The following NR5A2 variants were observed in gnomAD, a reference collection of about 807,000 sequenced individuals.
The protein encoded by NR5A2 is CYP7A promoter-binding factor.
Under a neutral mutation model 62.7 loss-of-function variants are expected in NR5A2, and 26 were observed. The ratio of observed to expected loss-of-function variants is 0.41; its 90% CI spans 0.30 to 0.58. The LOEUF (loss-of-function observed/expected upper bound fraction) is 0.58, where lower values mean the gene tolerates loss of function less well. NR5A2 is among the 20% of genes least tolerant of loss of function. NR5A2 has a pLI of 0.22. For synonymous variants in NR5A2, 246 were observed against 241.7 expected, an observed-to-expected ratio of 1.02 and a Z score of -0.16; for missense variants, 541 against 669.1, an observed-to-expected ratio of 0.81 and a Z score of 2.11.
chr1:200,084,638 C>T (rs1664443814), intron 5 of NR5A2, among the ~76,000 whole-genome samples: 2 of 152,108 alleles, frequency 1.3e-5, no homozygotes, highest in Admixed American at 1.3e-4. Flanking sequence ...AAAGCTCTTA[C>T]CCATGTAAAT....
chr1:200,114,688 G>A (rs567035772), intron 6 of NR5A2, among the ~76,000 whole-genome samples: 3 of 152,280 alleles, frequency 2.0e-5, no homozygotes, highest in East Asian at 1.9e-4. Flanking sequence ...CTAGGCCAGC[G>A]CAAGGGTGAC....
intron 7 of NR5A2, among the ~76,000 whole-genome samples, chr1:200,154,152 G>C (rs1424698834): frequency 6.6e-6 from 1 of 152,154 alleles, no homozygotes; most frequent in African/African-American, 2.4e-5. Context: ...GGGGTTCCCT[G>C]TCTGCTCTTG....
intron 5 of NR5A2, among the ~76,000 whole-genome samples, chr1:200,090,118 C>G (rs906297820): frequency 1.3e-5 from 2 of 152,166 alleles, no homozygotes; most frequent in Admixed American, 1.3e-4. Context: ...TATATGTCTA[C>G]CCCCTCAACT....
chr1:200,053,085 A>G (rs1662733089), intron 5 of NR5A2, among the ~76,000 whole-genome samples: 2 of 152,172 alleles, frequency 1.3e-5, no homozygotes, highest in African/African-American at 2.4e-5. Flanking sequence ...ACAAGGTGCA[A>G]AAAAAGGTAT....
chr1:200,062,903 TG>T (rs1414165292), intron 5 of NR5A2, among the ~76,000 whole-genome samples: 1 of 152,204 alleles, frequency 6.6e-6, no homozygotes, highest in Non-Finnish European at 1.5e-5. Flanking sequence ...TGGATCTGTT[TG>T]GCATGTAAAT....
At position 200,175,465 on chromosome 1, in the gene NR5A2, A is replaced by T. The variant is rs1237817787; in HGVS notation, c.*1255A>T. The stretch of plus-strand genomic sequence containing the variant: ...TAGAACAAATATGGGAGGACAAAGA[A>T]TCGCAAATTCTTCAAATGACTATTA... On this transcript the variant is annotated 3_prime_UTR_variant, in exon 8 of 8. Coordinates refer to ENST00000367362, the MANE Select transcript of NR5A2 (RefSeq NM_205860.3). The T allele has an allele frequency of 6.5e-6, 1 of 152,714 alleles. No individual in the cohort carries two copies. The highest frequency in any genetic ancestry group is 2.4e-5 in the African/African-American group (1 of 41,472). The allele number at this position is 152,714 out of a possible 1,614,324, so 9.5% of individuals were successfully genotyped here.
chr1:200,092,327 T>A (rs1181980132), intron 5 of NR5A2, among the ~76,000 whole-genome samples: 2 of 152,188 alleles, frequency 1.3e-5, no homozygotes, highest in East Asian at 1.9e-4. Context: ...GTTTTTGTAG[T>A]CATCTTTGAG....
At chr1:200,166,220 A>G in intron 7 of NR5A2, among the ~76,000 whole-genome samples, 1 of 152,120 alleles carries the variant, frequency 6.6e-6, no homozygotes, top group East Asian at 1.9e-4. Context: ...TTTCTAAACC[A>G]TGTATACAAA....
chr1:200,138,107 A>T (rs1414119302), intron 7 of NR5A2, among the ~76,000 whole-genome samples: 1 of 152,158 alleles, frequency 6.6e-6, no homozygotes, highest in Non-Finnish European at 1.5e-5. Flanking sequence ...TATATAATGT[A>T]CCCCACAGTT....
chr1:200,164,504 T>C (rs913552596), intron 7 of NR5A2, among the ~76,000 whole-genome samples: 5 of 152,062 alleles, frequency 3.3e-5, no homozygotes, highest in African/African-American at 7.2e-5. Context: ...ATATGCACAA[T>C]GTAAAATTTA....
In NR5A2 at chr1:200,113,368, T is replaced by TAATC. The variant is rs1408335202; in HGVS notation, c.1230+2049_1230+2052dup. 4.6e-5 allele frequency among the ~76,000 whole-genome samples: 7 copies of TAATC among 152,376 alleles called. No homozygotes were observed. In the South Asian group the frequency reaches 1.0e-3, roughly 23 times the overall value. On this transcript the variant is annotated intron_variant, in intron 6 of 7. Transcript: ENST00000367362. The stretch of plus-strand genomic sequence containing the variant: ...TGGCTACCCTAGTAATGATTAATTG[T>TAATC]AATCAGACATTCTCATTTATGGCAA...
intron 5 of NR5A2, among the ~76,000 whole-genome samples, chr1:200,104,016 A>C (rs1457937842): frequency 2.6e-5 from 4 of 152,172 alleles, no homozygotes; most frequent in Non-Finnish European, 5.9e-5. Context: ...TAGAAAAGAG[A>C]GAGTCCAGAT....
intron 5 of NR5A2, among the ~76,000 whole-genome samples, chr1:200,073,128 A>C (rs1412211840): frequency 2.0e-5 from 3 of 151,662 alleles, no homozygotes; most frequent in Non-Finnish European, 4.4e-5. Flanking sequence ...AACATAGTTG[A>C]AACTGGAAGA....
At chr1:200,062,207 ATAAT>A (rs1286918800) in intron 5 of NR5A2, among the ~76,000 whole-genome samples, 2 of 124,186 alleles carry the variant, frequency 1.6e-5, no homozygotes, top group African/African-American at 6.1e-5. Context: ...AGGGTCCCAA[ATAAT>A]TCTCCCTGGC....
chr1:200,038,197 G>T lies in NR5A2; in HGVS notation c.65-1461G>T, dbSNP rs141121062. 2.6e-3 allele frequency among the ~76,000 whole-genome samples: 389 copies of T among 152,320 alleles called. 1 individual carries two copies. The highest frequency in any genetic ancestry group is 8.9e-3 in the African/African-American group (370 of 41,578). ...TGGTTCTTTAAAACATTTTTTAAAT[G>T]CTGGGCCTCGGCCTCAAGTGGATGG... is the stretch of plus-strand genomic sequence containing the variant. On this transcript the variant is annotated intron_variant, in intron 1 of 7. Coordinates refer to ENST00000367362, the MANE Select transcript of NR5A2 (RefSeq NM_205860.3).
chr1:200,129,745 T>G (rs1666879530), intron 7 of NR5A2, among the ~76,000 whole-genome samples: 1 of 152,226 alleles, frequency 6.6e-6, no homozygotes, highest in Admixed American at 6.5e-5. Flanking sequence ...GAAGGGGTTT[T>G]TCTGCCACTT....
At chr1:200,098,609 C>G (rs1191271783) in intron 5 of NR5A2, among the ~76,000 whole-genome samples, 1 of 151,536 alleles carries the variant, frequency 6.6e-6, no homozygotes, top group Non-Finnish European at 1.5e-5. Context: ...ATATAAACCA[C>G]AGCCCACCTA....
At chr1:200,125,306 C>T (rs556954319) in intron 7 of NR5A2, among the ~76,000 whole-genome samples, 1 of 152,358 alleles carries the variant, frequency 6.6e-6, no homozygotes, top group East Asian at 1.9e-4. Flanking sequence ...GGCATTGATA[C>T]AATCCTGTTT....
chr1:200,066,503 G>GCAGATATA (rs1441104756), intron 5 of NR5A2, among the ~76,000 whole-genome samples: 1 of 151,660 alleles, frequency 6.6e-6, no homozygotes, highest in African/African-American at 2.4e-5. Flanking sequence ...ACCACTCCAC[G>GCAGATATA]CAGATATAAA....
Sources: gnomAD v4.1 joint callset for allele counts (sites outside exome capture counted in the v4.1 genomes callset) on GRCh38, gnomAD v4.1.1 for gene constraint, MANE v1.5 for transcripts, NCBI Gene and HGNC (gene_info 2026-07-23, HGNC 2026-07-21) for gene names.